Variants in PKD1L3 observed in about 807,000 individuals in gnomAD.
PKD1L3 encodes polycystin 1 like 3, transient receptor potential channel interacting, also known as polycystin-1-like protein 3.
In PKD1L3, 239 loss-of-function variants were observed where a neutral mutation model predicts 184.1. The observed-to-expected ratio is 1.30, with a 90% confidence interval of 1.17 to 1.45. The LOEUF (loss-of-function observed/expected upper bound fraction) is 1.45. Ranked by LOEUF, PKD1L3 falls within the 40% of genes most tolerant of loss-of-function variation. The probability of loss-of-function intolerance (pLI) is 0.00; values close to 1 mark genes in which losing one functional copy is unlikely to be tolerated. For synonymous variants in PKD1L3, 996 were observed against 778.8 expected, an observed-to-expected ratio of 1.28 and a Z score of -4.64; for missense variants, 2,660 against 2,067.2, an observed-to-expected ratio of 1.29 and a Z score of -5.56.
rs1014735752 is a variant in PKD1L3 at position 71,980,153 on chromosome 16, A to T, written c.1144-19T>A. On this transcript the variant is annotated intron_variant, in intron 7 of 29. Coordinates refer to ENST00000620267, the MANE Select transcript of PKD1L3 (RefSeq NM_181536.2). ...CTTCTACCTGCATGGAAAGGAAAAC[A>T]GTGTGTGACTTGTAAAACCTCAGTG... The T allele has an allele frequency of 2.6e-6, 4 of 1,550,336 alleles. No individual in the cohort carries two copies. In the South Asian group the frequency reaches 3.6e-5, roughly 14 times the overall value.
intron 24 of PKD1L3, among the ~76,000 whole-genome samples, chr16:71,942,328 G>A (rs921226939): frequency 4.6e-5 from 7 of 152,048 alleles, no homozygotes; most frequent in East Asian, 3.9e-4. Flanking sequence ...GCAAGACTCC[G>A]TCTCAAACAA....
rs74436361 is a variant in PKD1L3 at position 71,945,809 on chromosome 16, C to G, written c.3719-1639G>C. On this transcript the variant is annotated intron_variant, in intron 22 of 29. Transcript: ENST00000620267. ...TCCAAGAAAGTCAGAGAAGGCGCCA[C>G]AGAGGAAGTGACATTTGACATTTGT... 7.8e-3 allele frequency among the ~76,000 whole-genome samples: 1,183 copies of G among 152,088 alleles called. 7 individuals carry two copies. Among genetic ancestry groups the G allele is most frequent in the Non-Finnish European group, 0.012 (796 of 68,002 alleles).
chr16:71,957,353 T>C (rs1246808656), intron 16 of PKD1L3, among the ~76,000 whole-genome samples: 1 of 152,158 alleles, frequency 6.6e-6, no homozygotes, highest in Admixed American at 6.5e-5. Context: ...GATATAAACC[T>C]TACCTTATTA....
intron 28 of PKD1L3, chr16:71,931,017 A>ACAG (rs1258360339): frequency 6.6e-6 from 1 of 152,218 alleles, no homozygotes; most frequent in Non-Finnish European, 1.5e-5. Flanking sequence ...GCAATCTCTG[A>ACAG]GTTTGTGATA....
intron 5 of PKD1L3, among the ~76,000 whole-genome samples, 192 bp from the exon 6 acceptor site, chr16:71,984,359 C>T (rs1354581558): frequency 2.0e-5 from 3 of 151,916 alleles, no homozygotes; most frequent in South Asian, 2.1e-4. Context: ...TTCTTCCATA[C>T]GATAGAGAAA....
At chr16:71,977,560 C>CTTCTTT in intron 10 of PKD1L3, 93 bp from the exon 11 acceptor site, 1 of 543,654 alleles carries the variant, frequency 1.8e-6, no homozygotes, top group Non-Finnish European at 2.8e-6. Context: ...CGTCCTAGCT[C>CTTCTTT]TTTTTTTTTT....
At chr16:71,964,358 A>C (rs1373666326) in intron 15 of PKD1L3, among the ~76,000 whole-genome samples, 4 of 65,278 alleles carry the variant, frequency 6.1e-5, no homozygotes, top group Non-Finnish European at 1.1e-4. Context: ...TTTTTTTTTG[A>C]GACAGAGTTT....
At chr16:71,932,338 T>TGAG (rs1567484295) in intron 28 of PKD1L3, among the ~76,000 whole-genome samples, 3 of 152,202 alleles carry the variant, frequency 2.0e-5, no homozygotes, top group Non-Finnish European at 4.4e-5. Context: ...CTTTATATGT[T>TGAG]GAGGAGGAAG....
At chr16:71,930,398 G>C (rs935680962) in intron 28 of PKD1L3, 1 of 390,818 alleles carries the variant, frequency 2.6e-6, no homozygotes, top group Non-Finnish European at 4.4e-6. Flanking sequence ...AATTGTGACT[G>C]CAGGGCTTTC....
At position 71,951,733 on chromosome 16, in the gene PKD1L3, T is replaced by C; in HGVS notation, c.3021A>G (p.Glu1007=). 6.5e-7 allele frequency: 1 copy of C among 1,549,342 alleles called. No individual in the cohort carries two copies. Among genetic ancestry groups the C allele is most frequent in the Non-Finnish European group, 8.7e-7 (1 of 1,146,284 alleles). ...SATMVVEELK[E]TVRFLLRRNT... is the part of the protein sequence containing the mutation. ...TTCTCCTGAGCAGGAATCTCACAGT[T>C]TCCTTTAATTCCTGAATGTAGGACC... Residue 1007 remains glutamate (E), a synonymous_variant, in exon 19 of 30, where the codon GAA becomes GAG. Transcript: ENST00000620267.
intron 10 of PKD1L3, 31 bp downstream of exon 10, chr16:71,978,224 T>C (rs1383909383): frequency 1.3e-6 from 2 of 1,538,648 alleles, no homozygotes; most frequent in East Asian, 2.5e-5. Context: ...CCCATTCTCT[T>C]CTATTTTATT....
chr16:71,974,472 G>A (rs569103929), intron 11 of PKD1L3, among the ~76,000 whole-genome samples: 2 of 152,160 alleles, frequency 1.3e-5, no homozygotes, highest in Non-Finnish European at 2.9e-5. Flanking sequence ...TTGAGCCCAG[G>A]AGTTTGAGAC....
chr16:71,978,512 TATATATATAC>T (rs1408992366), intron 9 of PKD1L3, 129 bp from the exon 10 acceptor site: 2,242 of 159,944 alleles, frequency 0.014, 33 homozygotes, highest in Non-Finnish European at 0.017. Flanking sequence ...TATATATATA[TATATATATAC>T]ATACATACAT....
At chr16:71,961,712 G>C (rs1490252976) in intron 16 of PKD1L3, among the ~76,000 whole-genome samples, 1 of 152,046 alleles carries the variant, frequency 6.6e-6, no homozygotes, top group Admixed American at 6.6e-5. Context: ...AAGATCCCAA[G>C]GGAAAACTCC....
chr16:71,938,431 G>A (rs954310802), intron 24 of PKD1L3, among the ~76,000 whole-genome samples: 1 of 152,264 alleles, frequency 6.6e-6, no homozygotes, highest in Admixed American at 6.5e-5. Flanking sequence ...ATGGATGGCA[G>A]CAGGAGGCAG....
chr16:71,974,430 A>C (rs761350644), intron 11 of PKD1L3, among the ~76,000 whole-genome samples: 5 of 152,208 alleles, frequency 3.3e-5, no homozygotes, highest in Non-Finnish European at 7.3e-5. Flanking sequence ...CTATAATCCA[A>C]GCACTTTGGG....
intron 15 of PKD1L3, among the ~76,000 whole-genome samples, chr16:71,964,553 A>T (rs543552586): frequency 6.6e-6 from 1 of 151,210 alleles, no homozygotes; most frequent in East Asian, 2.0e-4. Context: ...TATAGCCAGG[A>T]TGGTCTCGAT....
At chr16:71,963,177 A>G (rs2039347057) in intron 16 of PKD1L3, 28 bp downstream of exon 16, 1 of 1,514,850 alleles carries the variant, frequency 6.6e-7, no homozygotes, top group Admixed American at 2.2e-5. Context: ...ATCAATATTC[A>G]CTGTTAATAG....
At chr16:71,979,462 AAAACAAGACAAAAC>A (rs1165258099) in intron 9 of PKD1L3, among the ~76,000 whole-genome samples, 2 of 144,834 alleles carry the variant, frequency 1.4e-5, no homozygotes, top group African/African-American at 5.4e-5. Context: ...AAAACAAAAC[AAAACAAGACAAAAC>A]AAAACAAAAC....
Sources: gnomAD v4.1 joint callset for allele counts (sites outside exome capture counted in the v4.1 genomes callset) on GRCh38, gnomAD v4.1.1 for gene constraint, MANE v1.5 for transcripts, NCBI Gene and HGNC (gene_info 2026-07-23, HGNC 2026-07-21) for gene names.